Variants in IL12RB2 observed in about 807,000 individuals in gnomAD.
IL12RB2 encodes the protein interleukin 12 receptor subunit beta 2, also known as interleukin-12 receptor subunit beta-2.
Under a neutral mutation model 89.4 loss-of-function variants are expected in IL12RB2, and 82 were observed. The observed-to-expected ratio is 0.92, with a 90% confidence interval of 0.77 to 1.10. The LOEUF is 1.10. IL12RB2 is among the 50% of genes least tolerant of loss of function. IL12RB2 has a pLI of 0.00. For synonymous variants in IL12RB2, 368 were observed against 370.1 expected (o/e 0.99, Z 0.07); for missense variants, 963 against 1,031.9 (o/e 0.93, Z 0.92).
At chr1:67,391,356 AGTGTGTGTGTGT>A (rs148773328) in intron 16 of IL12RB2, among the ~76,000 whole-genome samples, 1 of 140,558 alleles carries the variant, frequency 7.1e-6, no homozygotes, top group Admixed American at 7.1e-5. Flanking sequence ...TAATAACAGC[AGTGTGTGTGTGT>A]GTGTGTGTGT....
At chr1:67,339,486 CAAAA>C (rs200086991) in intron 9 of IL12RB2, among the ~76,000 whole-genome samples, 1 of 77,338 alleles carries the variant, frequency 1.3e-5, no homozygotes. Context: ...GACTACGTTT[CAAAA>C]AAAAAAAAAA....
At chr1:67,356,700 A>G (rs955440652) in intron 10 of IL12RB2, among the ~76,000 whole-genome samples, 1 of 152,166 alleles carries the variant, frequency 6.6e-6, no homozygotes, top group Admixed American at 6.5e-5. Flanking sequence ...CTAAACATAC[A>G]TGGAGGACCA....
At chr1:67,342,761 CTT>C (rs71062413) in intron 9 of IL12RB2, among the ~76,000 whole-genome samples, 18 of 137,144 alleles carry the variant, frequency 1.3e-4, no homozygotes, top group African/African-American at 3.2e-4. Flanking sequence ...AAAATCACAC[CTT>C]TTTTTTTTTT....
Position 67,395,805 on chromosome 1 carries a change from G to C in IL12RB2, c.2305G>C (p.Val769Leu), listed in dbSNP as rs1163733123. The C allele has an allele frequency of 4.3e-6, 7 of 1,613,430 alleles. No homozygotes were observed. Among genetic ancestry groups the C allele is most frequent in the Non-Finnish European group, 5.9e-6 (7 of 1,179,512 alleles). The change falls in exon 17 of 17, where the codon GTG becomes CTG. Residue 769 changes from valine to leucine, a missense_variant. By Grantham distance (32) the Val-to-Leu change is conservative. Coordinates refer to ENST00000674203, the MANE Select transcript of IL12RB2 (RefSeq NM_001374259.2). ...CAGACAACTGGTGGATCTGTACAAG[G>C]TGCTGGAGAGCAGGGGCTCCGACCC... The part of the protein sequence containing the change: ...ESRQLVDLYK[V>L]LESRGSDPKP...
intron 2 of IL12RB2, among the ~76,000 whole-genome samples, chr1:67,315,101 G>A (rs992338638): frequency 2.6e-5 from 4 of 152,090 alleles, no homozygotes; most frequent in African/African-American, 9.7e-5. Flanking sequence ...CTGGTAGTCA[G>A]AGAAAATGAG....
chr1:67,370,356 T>C (rs1270062919), intron 11 of IL12RB2, among the ~76,000 whole-genome samples: 1 of 152,148 alleles, frequency 6.6e-6, no homozygotes, highest in Non-Finnish European at 1.5e-5. Flanking sequence ...CTGTCCTGTC[T>C]GGGTGAAAAT....
chr1:67,360,429 G>A (rs1335285793), intron 10 of IL12RB2, among the ~76,000 whole-genome samples: 1 of 151,186 alleles, frequency 6.6e-6, no homozygotes, highest in Non-Finnish European at 1.5e-5. Flanking sequence ...GATTGACCAG[G>A]TTATCACAGT....
chr1:67,358,625 A>T (rs1241930989), intron 10 of IL12RB2, among the ~76,000 whole-genome samples: 6 of 151,964 alleles, frequency 3.9e-5, no homozygotes, highest in Non-Finnish European at 8.8e-5. Context: ...AATGAGAGAG[A>T]ACTTAGGTAA....
At chr1:67,317,665 G>C (rs187674910) in intron 2 of IL12RB2, among the ~76,000 whole-genome samples, 1 of 152,170 alleles carries the variant, frequency 6.6e-6, no homozygotes, top group Non-Finnish European at 1.5e-5. Flanking sequence ...TTAGGGCATG[G>C]ACATCTTTGG....
intron 11 of IL12RB2, among the ~76,000 whole-genome samples, chr1:67,371,321 C>T (rs540081968): frequency 2.0e-5 from 3 of 152,050 alleles, no homozygotes; most frequent in Admixed American, 6.6e-5. Flanking sequence ...GTTTTATGTG[C>T]TGTCTATTTG....
intron 10 of IL12RB2, among the ~76,000 whole-genome samples, chr1:67,359,777 C>T (rs1356997886): frequency 6.6e-6 from 1 of 152,000 alleles, no homozygotes; most frequent in Non-Finnish European, 1.5e-5. Flanking sequence ...ATCTAAGGCA[C>T]TTTGGAAGTC....
chr1:67,334,192 T>C (rs1258186951), intron 8 of IL12RB2, among the ~76,000 whole-genome samples: 1 of 152,210 alleles, frequency 6.6e-6, no homozygotes, highest in Non-Finnish European at 1.5e-5. Context: ...ATTGCCAAGA[T>C]AAGATAGGTG....
intron 13 of IL12RB2, 108 bp from the exon 14 acceptor site, chr1:67,379,877 CT>C: frequency 1.1e-6 from 1 of 915,174 alleles, no homozygotes. Flanking sequence ...TAGCAAAATG[CT>C]TTTTCCTTCC....
chr1:67,369,480 T>C (rs973769946), intron 11 of IL12RB2, among the ~76,000 whole-genome samples: 1 of 152,228 alleles, frequency 6.6e-6, no homozygotes, highest in East Asian at 1.9e-4. Flanking sequence ...CGATTACCTC[T>C]CAAGGCAGTG....
chr1:67,352,496 T>C (rs1660956494), intron 10 of IL12RB2, among the ~76,000 whole-genome samples: 1 of 152,172 alleles, frequency 6.6e-6, no homozygotes, highest in South Asian at 2.1e-4. Flanking sequence ...AGCCCTTACT[T>C]TTAAGGAGCT....
intron 9 of IL12RB2, among the ~76,000 whole-genome samples, chr1:67,344,530 T>G (rs1414826311): frequency 6.6e-6 from 1 of 152,218 alleles, no homozygotes; most frequent in Non-Finnish European, 1.5e-5. Flanking sequence ...TGATCTCAAG[T>G]GATCCTCCTG....
chr1:67,340,144 C>G (rs17129828), intron 9 of IL12RB2, among the ~76,000 whole-genome samples: 1 of 152,138 alleles, frequency 6.6e-6, no homozygotes, highest in African/African-American at 2.4e-5. Context: ...CTTTCTCCTC[C>G]CTGTCTCTCT....
intron 13 of IL12RB2, among the ~76,000 whole-genome samples, chr1:67,378,848 C>CA (rs56260019): frequency 0.066 from 6,020 of 91,604 alleles, 482 homozygotes; most frequent in African/African-American, 0.19. Context: ...AGACTCTTCT[C>CA]AAAAAAAAAA....
Position 67,395,943 on chromosome 1 carries a change from C to G in IL12RB2, c.2443C>G (p.Leu815Val). The G allele has an allele frequency of 1.2e-6, 2 of 1,611,676 alleles. No homozygotes were observed. Among genetic ancestry groups the G allele is most frequent in the South Asian group, 2.2e-5 (2 of 91,062 alleles). Residue 815 changes from leucine to valine, a missense_variant, in exon 17 of 17, where the codon CTC becomes GTC. By Grantham distance (32) the Leu-to-Val change is conservative. Transcript: ENST00000674203. ...TGACCTCCCCTCACATGAGGCACCT[C>G]TCGCTGACTCTCTGGAAGAACTGGA... ...IDDLPSHEAP[L>V]ADSLEELEPQ...
Sources: allele counts gnomAD v4.1 joint callset (sites outside exome capture counted in the v4.1 genomes callset), GRCh38; gene constraint gnomAD v4.1.1; transcripts MANE v1.5; gene names NCBI Gene and HGNC (gene_info 2026-07-23, HGNC 2026-07-21).